The following PHF7 variants were observed in gnomAD, a reference collection of about 807,000 sequenced individuals.
PHF7 encodes the protein PHD finger protein 7, also known as E3 ubiquitin-protein ligase PHF7.
A neutral mutation model predicts 47.5 loss-of-function variants in PHF7; 24 were observed. The observed-to-expected ratio is 0.51, with a 90% confidence interval of 0.37 to 0.71. The LOEUF is 0.71. PHF7 is among the 30% of genes least tolerant of loss of function. The pLI, the probability that PHF7 is intolerant of heterozygous loss-of-function variation, is 0.00. For synonymous variants in PHF7, 156 were observed against 153.8 expected (o/e 1.01, Z -0.11); for missense variants, 361 against 456.8 (o/e 0.79, Z 1.91).
At position 52,421,647 on chromosome 3, in the gene PHF7, G is replaced by T. The variant is rs1433140013; in HGVS notation, c.574-1G>T. The T allele has an allele frequency of 6.3e-7, 1 of 1,574,968 alleles. No homozygotes were observed. Among genetic ancestry groups the T allele is most frequent in the South Asian group, 1.1e-5 (1 of 90,304 alleles). On this transcript the variant is annotated splice_acceptor_variant, in intron 7 of 10. Coordinates refer to ENST00000327906, the MANE Select transcript of PHF7 (RefSeq NM_016483.7). LOFTEE classifies it high-confidence loss of function. ...AGAGCTCTTCCCTGTTTCTCTTACA[G>T]AAATATGCCCACACATCAGCAAAGC... is the stretch of plus-strand genomic sequence containing the variant.
At chr3:52,421,883 G>T in intron 8 of PHF7, 129 bp downstream of exon 8, 1 of 629,616 alleles carries the variant, frequency 1.6e-6, no homozygotes, top group South Asian at 1.8e-5. Context: ...AAGGGGAGGA[G>T]GGAGTGCTTT....
chr3:52,414,670 C>G (rs1021127824), intron 4 of PHF7, 83 bp downstream of exon 4: 6 of 756,128 alleles, frequency 7.9e-6, no homozygotes, highest in Non-Finnish European at 1.1e-5. Flanking sequence ...TCCTCATATC[C>G]ACAGCCTTGT....
Position 52,421,668 on chromosome 3 carries a change from A to C in PHF7, c.594A>C (p.Ala198=). ...TACAGAAATATGCCCACACATCAGC[A>C]AAGCATTTCTTCAAATGTCCACAGT... is the stretch of plus-strand genomic sequence containing the variant. ...KCIQKYAHTS[A]KHFFKCPQCN... The change falls in exon 8 of 11, where the codon GCA becomes GCC. Residue 198 remains alanine (A), a synonymous_variant. Transcript: ENST00000327906. The C allele has an allele frequency of 6.2e-7, 1 of 1,604,526 alleles. No individual in the cohort carries two copies. The highest frequency in any genetic ancestry group is 8.5e-7 in the Non-Finnish European group (1 of 1,171,222).
At chr3:52,420,246 T>C (rs3886875) in intron 5 of PHF7, 65 bp from the exon 6 acceptor site, 2 of 1,537,324 alleles carry the variant, frequency 1.3e-6, no homozygotes, top group Non-Finnish European at 1.8e-6. Context: ...AATAGAAAGA[T>C]GTGCTACACT....
At chr3:52,420,195 T>C (rs759189166) in intron 5 of PHF7, 116 bp from the exon 6 acceptor site, 1 of 1,181,264 alleles carries the variant, frequency 8.5e-7, no homozygotes, top group East Asian at 2.3e-5. Flanking sequence ...TCAGGACCAC[T>C]GAAGATAGGG....
chr3:52,421,011 C>G lies in PHF7; in HGVS notation c.522C>G (p.Asn174Lys), dbSNP rs1299989037. 3.7e-6 allele frequency: 6 copies of G among 1,613,386 alleles called. No homozygotes were observed. Among genetic ancestry groups the G allele is most frequent in the Non-Finnish European group, 5.1e-6 (6 of 1,179,708 alleles). ...ACTTATCCCAACAGAGTGTTGAGAA[C>G]ATCCAGAGCCCGTGTTGTAGTCAAG... ...CEDLSQQSVE[N>K]IQSPCCSQAI... Residue 174 changes from asparagine (N) to lysine (K), a missense_variant, in exon 7 of 11, where the codon AAC becomes AAG. Physicochemically the swap from Asn to Lys is moderately conservative, Grantham distance 94. Coordinates refer to ENST00000327906, the MANE Select transcript of PHF7 (RefSeq NM_016483.7).
intron 4 of PHF7, among the ~76,000 whole-genome samples, chr3:52,416,417 C>T (rs1040791712): frequency 6.6e-6 from 1 of 151,146 alleles, no homozygotes; most frequent in African/African-American, 2.4e-5. Flanking sequence ...ATCTCTTGAC[C>T]TCGTGATCTG....
chr3:52,419,742 C>T lies in PHF7; in HGVS notation c.187-91C>T, dbSNP rs968709112. On this transcript the variant is annotated intron_variant, in intron 4 of 10. Transcript: ENST00000327906. ...CACCACACCCGGCCCAAGCTCTATTCTTTAGCTCTCTTACCCTGTCCTTCT... is the reference window on the plus strand; with the variant it reads ...CACCACACCCGGCCCAAGCTCTATTTTTTAGCTCTCTTACCCTGTCCTTCT... 93 of 801,386 alleles carry T rather than the reference C, an allele frequency of 1.2e-4. No homozygotes were observed. The East Asian group carries it at 1.2e-3, about 11-fold the overall frequency. The allele number at this position is 801,386 out of a possible 1,614,324, so 49.6% of individuals were successfully genotyped here. A position where few individuals can be genotyped will look rare whatever the true frequency, so the allele number is the denominator to read the frequency against.
At chr3:52,422,698 A>T in intron 9 of PHF7, 62 bp from the exon 10 acceptor site, 1 of 1,592,822 alleles carries the variant, frequency 6.3e-7, no homozygotes, top group Non-Finnish European at 8.6e-7. Flanking sequence ...CATAGCAAAC[A>T]TCCAAGCATG....
In PHF7 at chr3:52,420,446, G is replaced by C. The variant is rs1174985774; in HGVS notation, c.413+11G>C. The C allele has an allele frequency of 6.8e-6, 11 of 1,613,608 alleles. No homozygotes were observed. ...TTTTGGAGAGTACAAGTGAGTGAGG[G>C]AAGGGAAAAGTCTGGCTTCCTTTTT... On this transcript the variant is annotated intron_variant, in intron 6 of 10. Transcript: ENST00000327906.
intron 4 of PHF7, among the ~76,000 whole-genome samples, chr3:52,415,976 G>T (rs755339521): frequency 6.6e-6 from 1 of 152,144 alleles, no homozygotes; most frequent in Non-Finnish European, 1.5e-5. Flanking sequence ...GTCCAAAGCG[G>T]TTGTACCAGC....
At chr3:52,422,387 G>C (rs1434995674) in intron 9 of PHF7, 49 bp downstream of exon 9, 1 of 1,159,842 alleles carries the variant, frequency 8.6e-7, no homozygotes, top group South Asian at 1.2e-5. Flanking sequence ...TGCTATCTTA[G>C]AGTTAGACCT....
chr3:52,422,558 C>G (rs1705824028), intron 9 of PHF7: 1 of 662,492 alleles, frequency 1.5e-6, no homozygotes, highest in African/African-American at 1.8e-5. Flanking sequence ...GAGAGACATT[C>G]AGAGCCAATT....
intron 2 of PHF7, among the ~76,000 whole-genome samples, chr3:52,413,738 G>A (rs1314108246): frequency 1.3e-5 from 2 of 152,226 alleles, no homozygotes; most frequent in East Asian, 1.9e-4. Flanking sequence ...GGGAGGCTGA[G>A]GCAGGAGAAT....
Position 52,423,635 on chromosome 3 carries a change from C to G in PHF7, c.*318C>G, listed in dbSNP as rs1350151474. ...TTGTTGTTATGCAAATAAAGGTTTT[C>G]TCTCCATTGGTGTCTCCTTATAAAT... On this transcript the variant is annotated 3_prime_UTR_variant, in exon 11 of 11. Coordinates refer to ENST00000327906, the MANE Select transcript of PHF7 (RefSeq NM_016483.7). 5 of 250,934 alleles carry G rather than the reference C, an allele frequency of 2.0e-5. No individual in the cohort carries two copies. The East Asian group carries it at 4.6e-4, about 23-fold the overall frequency. 15.5% of individuals were successfully genotyped at this position (250,934 alleles called of 1,614,324 possible). A position where few individuals can be genotyped will look rare whatever the true frequency, so the allele number is the denominator to read the frequency against.
At chr3:52,414,402 T>C in intron 3 of PHF7, 94 bp from the exon 4 acceptor site, 1 of 771,480 alleles carries the variant, frequency 1.3e-6, no homozygotes. Context: ...AGTATTCTAC[T>C]CCTTCCTGAC....
intron 1 of PHF7, among the ~76,000 whole-genome samples, chr3:52,411,540 G>C (rs1478640875): frequency 6.6e-6 from 1 of 152,190 alleles, no homozygotes; most frequent in Non-Finnish European, 1.5e-5. Context: ...ATAGTTTAAA[G>C]TCCCTGAAGA....
intron 4 of PHF7, among the ~76,000 whole-genome samples, chr3:52,416,811 C>T (rs910089743): frequency 3.6e-5 from 5 of 137,374 alleles, no homozygotes; most frequent in South Asian, 2.4e-4. Flanking sequence ...CCAGCCTGGG[C>T]GACAGTGCAA....
chr3:52,413,956 C>G (rs973504200), intron 2 of PHF7, 40 bp from the exon 3 acceptor site: 1 of 1,386,694 alleles, frequency 7.2e-7, no homozygotes. Context: ...TCAACAAGAT[C>G]CCCAAAGAAC....
Sources: gnomAD v4.1 joint callset for allele counts (sites outside exome capture counted in the v4.1 genomes callset) on GRCh38, gnomAD v4.1.1 for gene constraint, MANE v1.5 for transcripts, NCBI Gene and HGNC (gene_info 2026-07-23, HGNC 2026-07-21) for gene names.